TBC1D4: variants seen among roughly 807,000 people sequenced by gnomAD.
TBC1D4 encodes TBC (Tre-2, BUB2, CDC16) domain-containing protein.
A neutral mutation model predicts 142.5 loss-of-function variants in TBC1D4; 121 were observed. That is an observed-to-expected ratio of 0.85 (90% confidence interval 0.73 to 0.99). The LOEUF (loss-of-function observed/expected upper bound fraction) is 0.99. Ranked by LOEUF, TBC1D4 falls within the 50% of genes least tolerant of loss-of-function variation. The probability of loss-of-function intolerance (pLI) is 0.00; values close to 1 mark genes in which losing one functional copy is unlikely to be tolerated. For missense variants in TBC1D4, 1,475 were observed against 1,606.6 expected (o/e 0.92, Z 1.40); for synonymous variants, 630 against 628.2 (o/e 1.00, Z -0.04).
At chr13:75,413,070 C>A (rs1593859548) in intron 1 of TBC1D4, among the ~76,000 whole-genome samples, 1 of 152,094 alleles carries the variant, frequency 6.6e-6, no homozygotes, top group South Asian at 2.1e-4. Flanking sequence ...ATAAATGCCA[C>A]AAAGAGAGAA....
chr13:75,374,458 T>TCC (rs1883390878), intron 1 of TBC1D4, among the ~76,000 whole-genome samples: 1 of 152,168 alleles, frequency 6.6e-6, no homozygotes, highest in African/African-American at 2.4e-5. Flanking sequence ...AAGTAGAATT[T>TCC]GTGACACTAA....
intron 10 of TBC1D4, 102 bp from the exon 11 acceptor site, chr13:75,324,503 TCTTTC>T: frequency 2.1e-6 from 3 of 1,404,362 alleles, no homozygotes; most frequent in Admixed American, 3.9e-5. Context: ...ATTAATTTAA[TCTTTC>T]CTTTCAAGGC....
rs1420043943 is a variant in TBC1D4 at position 75,285,342 on chromosome 13, GA to G, written c.*1449del. The G allele has an allele frequency of 2.0e-5, 3 of 152,092 alleles. No individual in the cohort carries two copies. Among genetic ancestry groups the G allele is most frequent in the Non-Finnish European group, 4.4e-5 (3 of 68,022 alleles). The allele number at this position is 152,092 out of a possible 1,614,324, so 9.4% of individuals were successfully genotyped here. A position where few individuals can be genotyped will look rare whatever the true frequency, so the allele number is the denominator to read the frequency against. On this transcript the variant is annotated 3_prime_UTR_variant, in exon 21 of 21. Transcript: ENST00000377636. ...CTGTGTATAACAAACTCCCTTTGAAGAAAATTACCCCAGATAATCCATCTGT... is the reference window on the plus strand; with the variant it reads ...CTGTGTATAACAAACTCCCTTTGAAGAAATTACCCCAGATAATCCATCTGT...
intron 1 of TBC1D4, among the ~76,000 whole-genome samples, chr13:75,458,710 C>G (rs903878620): frequency 2.0e-5 from 3 of 152,050 alleles, no homozygotes; most frequent in African/African-American, 7.2e-5. Flanking sequence ...AACATTTCTA[C>G]AAGTATAATT....
intron 19 of TBC1D4, 76 bp downstream of exon 19, chr13:75,292,026 A>G (rs1875357622): frequency 1.6e-6 from 2 of 1,285,736 alleles, no homozygotes; most frequent in African/African-American, 3.0e-5. Context: ...GCAAAGCTAC[A>G]TTTTTAGGCT....
At chr13:75,409,948 G>C (rs1192842455) in intron 1 of TBC1D4, among the ~76,000 whole-genome samples, 1 of 152,142 alleles carries the variant, frequency 6.6e-6, no homozygotes, top group Non-Finnish European at 1.5e-5. Context: ...TGACCCACTT[G>C]ACAGATGTTG....
chr13:75,383,527 C>T (rs1004274858), intron 1 of TBC1D4, among the ~76,000 whole-genome samples: 1 of 152,168 alleles, frequency 6.6e-6, no homozygotes, highest in African/African-American at 2.4e-5. Flanking sequence ...TCTGTAGTTT[C>T]ACTTTCTGTG....
At chr13:75,425,650 T>C (rs1182015861) in intron 1 of TBC1D4, among the ~76,000 whole-genome samples, 1 of 152,178 alleles carries the variant, frequency 6.6e-6, no homozygotes, top group Admixed American at 6.5e-5. Context: ...AAGCAAATCC[T>C]ATTATTTTCA....
chr13:75,392,281 T>A (rs1270636806), intron 1 of TBC1D4, among the ~76,000 whole-genome samples: 1 of 152,154 alleles, frequency 6.6e-6, no homozygotes, highest in Non-Finnish European at 1.5e-5. Context: ...AAACAGTATG[T>A]TCCAAATATT....
intron 1 of TBC1D4, among the ~76,000 whole-genome samples, chr13:75,381,346 GT>G (rs1263274418): frequency 6.6e-6 from 1 of 152,112 alleles, no homozygotes; most frequent in Non-Finnish European, 1.5e-5. Context: ...GTCATTCACT[GT>G]CGAAATAACT....
At chr13:75,354,779 AG>A (rs1881903798) in intron 4 of TBC1D4, among the ~76,000 whole-genome samples, 1 of 152,102 alleles carries the variant, frequency 6.6e-6, no homozygotes, top group African/African-American at 2.4e-5. Context: ...TTCTAGTGTT[AG>A]GTCATCGGTT....
chr13:75,427,689 A>G (rs78897302), intron 1 of TBC1D4, among the ~76,000 whole-genome samples: 1 of 152,188 alleles, frequency 6.6e-6, no homozygotes, highest in East Asian at 1.9e-4. Context: ...ATTATTCATA[A>G]TCATTGATCT....
intron 1 of TBC1D4, among the ~76,000 whole-genome samples, chr13:75,399,958 G>A (rs1439426005): frequency 6.6e-6 from 1 of 152,096 alleles, no homozygotes; most frequent in Non-Finnish European, 1.5e-5. Context: ...CAAAAGGAGA[G>A]CCATTCCCAG....
intron 20 of TBC1D4, among the ~76,000 whole-genome samples, chr13:75,287,339 A>G (rs1427660080): frequency 6.6e-6 from 1 of 152,172 alleles, no homozygotes; most frequent in Non-Finnish European, 1.5e-5. Context: ...GCTGAAGGAG[A>G]AACAGGAGAT....
intron 8 of TBC1D4, among the ~76,000 whole-genome samples, chr13:75,334,272 C>T (rs767053583): frequency 1.1e-4 from 17 of 151,986 alleles, no homozygotes; most frequent in Admixed American, 2.0e-4. Flanking sequence ...CTTTATGACA[C>T]GTCACCATTT....
intron 1 of TBC1D4, among the ~76,000 whole-genome samples, chr13:75,427,629 C>T (rs1886431955): frequency 1.3e-5 from 2 of 152,226 alleles, no homozygotes; most frequent in Admixed American, 1.3e-4. Flanking sequence ...GAAGCTGGCT[C>T]CTTCTGTATT....
At chr13:75,295,141 T>G in intron 17 of TBC1D4, 128 bp from the exon 18 acceptor site, 1 of 910,238 alleles carries the variant, frequency 1.1e-6, no homozygotes, top group Non-Finnish European at 1.6e-6. Context: ...TACTTTATTT[T>G]TATGATTTTA....
At chr13:75,337,805 C>T (rs192175251) in intron 7 of TBC1D4, among the ~76,000 whole-genome samples, 3 of 152,264 alleles carry the variant, frequency 2.0e-5, no homozygotes, top group Non-Finnish European at 4.4e-5. Flanking sequence ...GGGATGAAGA[C>T]TTCCCCAGAA....
Position 75,481,643 on chromosome 13 carries a change from C to G in TBC1D4, c.125G>C (p.Gly42Ala), listed in dbSNP as rs766770293. Residue 42 changes from glycine to alanine, a missense_variant, in exon 1 of 21, where the codon GGG becomes GCG. This residue lies in a region of TBC1D4 where 1,227 missense variants were observed against 1,267.7 expected (regional missense o/e 0.97). Transcript: ENST00000377636. ...GGTCCTGTGGTCCAGGCACGACCCC[C>G]CAACGTACCACAGCCGGAACCGCTT... ...SDKRFRLWYV[G>A]GSCLDHRTTL... 64 of 1,605,254 alleles carry G rather than the reference C, an allele frequency of 4.0e-5. No homozygotes were observed. The highest frequency in any genetic ancestry group is 4.9e-5 in the Non-Finnish European group (58 of 1,175,958).
Sources: gnomAD v4.1 joint callset for allele counts (sites outside exome capture counted in the v4.1 genomes callset) on GRCh38, gnomAD v4.1.1 for gene constraint, gnomAD v4.1.1 regional missense constraint, MANE v1.5 for transcripts, NCBI Gene and HGNC (gene_info 2026-07-23, HGNC 2026-07-21) for gene names.